EHD3: variants seen among roughly 807,000 people sequenced by gnomAD.
EHD3 encodes the protein EH domain containing 3, also known as EH domain-containing protein 3.
EHD3 carries 17 observed loss-of-function variants against 43.0 expected under a neutral mutation model. That is an observed-to-expected ratio of 0.40 (90% CI 0.27 to 0.59). The LOEUF (loss-of-function observed/expected upper bound fraction) is 0.59, where lower values mean the gene tolerates loss of function less well. Ranked by LOEUF, EHD3 falls within the 20% of genes least tolerant of loss-of-function variation. EHD3 has a pLI of 0.49. For synonymous variants in EHD3, 313 were observed against 289.5 expected (o/e 1.08, Z -0.82); for missense variants, 594 against 705.6 (o/e 0.84, Z 1.79).
In EHD3 at chr2:31,266,370, G is replaced by A; in HGVS notation, c.1274G>A (p.Gly425Asp). Residue 425 changes from glycine to aspartate, a missense_variant, in exon 6 of 6, where the codon GGC (glycine) becomes GAC (aspartate). Gly to Asp is a moderately conservative substitution (Grantham distance 94). Coordinates refer to ENST00000322054, the MANE Select transcript of EHD3 (RefSeq NM_014600.3). The surrounding 1 kb of genome is among the most constrained non-coding windows in gnomAD (Gnocchi z 5.1). ...ACCCTGCACGGCCCCTTTGGGCATG[G>A]CTATGGGGAGGGGGCTGGAGAAGGT... ...EGTLHGPFGH[G>D]YGEGAGEGID... 1 of 1,614,178 alleles carries A rather than the reference G, an allele frequency of 6.2e-7. No individual in the cohort carries two copies. The highest frequency in any genetic ancestry group is 8.5e-7 in the Non-Finnish European group (1 of 1,180,008).
At position 31,260,594 on chromosome 2, in the gene EHD3, T is replaced by G. The variant is rs1189095449; in HGVS notation, c.587T>G (p.Ile196Ser). ...ILLFDAHKLDISDEFSEVIKA... is the reference protein window; with the variant it reads ...ILLFDAHKLDSSDEFSEVIKA... ...CTCTTCGATGCCCACAAACTGGACA[T>G]CTCTGATGAGTTCTCAGAAGTCATC... The change falls in exon 4 of 6, where the codon ATC becomes AGC. Residue 196 changes from isoleucine to serine, a missense_variant. Ile to Ser is a moderately radical substitution (Grantham distance 142, BLOSUM62 -2). Transcript: ENST00000322054. The surrounding 1 kb of genome is among the most constrained non-coding windows in gnomAD (Gnocchi z 4.6). The G allele has an allele frequency of 2.2e-5, 35 of 1,614,044 alleles. No homozygotes were observed. The highest frequency in any genetic ancestry group is 3.0e-5 in the Non-Finnish European group (35 of 1,180,044).
rs775189280 is a variant in EHD3, at chr2:31,245,528, A to AAT, written c.404+1103_404+1104dup. Among the ~76,000 whole-genome samples, 491 of 75,024 alleles carry AAT rather than the reference A, an allele frequency of 6.5e-3. 3 individuals are homozygous for AAT. Among genetic ancestry groups the AAT allele is most frequent in the African/African-American group, 0.012 (206 of 16,998 alleles). 49.2% of individuals were successfully genotyped at this position (75,024 alleles called of 152,430 possible). On this transcript the variant is annotated intron_variant, in intron 2 of 5. Coordinates refer to ENST00000322054, the MANE Select transcript of EHD3 (RefSeq NM_014600.3). ...AGGATTCTCGATGTCTCTTATCCCA[A>AAT]ATATATATATATATATATATATATA...
At chr2:31,245,951 A>C (rs1450729919) in intron 2 of EHD3, among the ~76,000 whole-genome samples, 1 of 152,064 alleles carries the variant, frequency 6.6e-6, no homozygotes, top group African/African-American at 2.4e-5. Flanking sequence ...AGTCAATAAC[A>C]GTCTAAGACA....
intron 3 of EHD3, among the ~76,000 whole-genome samples, chr2:31,254,902 G>A (rs1683721339): frequency 6.6e-6 from 1 of 152,194 alleles, no homozygotes; most frequent in Admixed American, 6.5e-5. Flanking sequence ...TATGAAGAGC[G>A]AATGAGGTCA....
At position 31,260,987 on chromosome 2, in the gene EHD3, G is replaced by T. The variant is rs566490751; in HGVS notation, c.915+65G>T. 1.1e-5 allele frequency: 16 copies of T among 1,514,178 alleles called. No individual in the cohort carries two copies. Among genetic ancestry groups the T allele is most frequent in the African/African-American group, 1.4e-5 (1 of 71,968 alleles). The allele number at this position is 1,514,178 out of a possible 1,614,324, so 93.8% of individuals were successfully genotyped here. A position where few individuals can be genotyped will look rare whatever the true frequency, so the allele number is the denominator to read the frequency against. On this transcript the variant is annotated intron_variant, in intron 4 of 5. Transcript: ENST00000322054. The surrounding 1 kb of genome is among the most constrained non-coding windows in gnomAD (Gnocchi z 4.6). ...GCCCAGAGTTTGGGGTCAGCTGCAC[G>T]AGCTGAGGGTTGCTGCCTCCAACAG...
chr2:31,250,478 G>C (rs984847850), intron 3 of EHD3, among the ~76,000 whole-genome samples: 2 of 152,114 alleles, frequency 1.3e-5, no homozygotes, highest in Non-Finnish European at 2.9e-5. Context: ...ATGTTGGCCA[G>C]AATGGTCTCG....
chr2:31,252,580 T>G (rs1169882290), intron 3 of EHD3, among the ~76,000 whole-genome samples: 2 of 152,234 alleles, frequency 1.3e-5, no homozygotes, highest in African/African-American at 2.4e-5. Flanking sequence ...GTTCAAGCGA[T>G]TCTCCTGCCT....
At chr2:31,244,990 G>C (rs1006767361) in intron 2 of EHD3, among the ~76,000 whole-genome samples, 5 of 152,194 alleles carry the variant, frequency 3.3e-5, no homozygotes, top group African/African-American at 1.2e-4. Flanking sequence ...AGATCATCAT[G>C]ATGATGTGAA....
At chr2:31,264,988 A>G (rs912680819) in intron 5 of EHD3, among the ~76,000 whole-genome samples, 2 of 152,166 alleles carry the variant, frequency 1.3e-5, no homozygotes, top group African/African-American at 4.8e-5. Flanking sequence ...AAAAACTAAG[A>G]TGCAAACACC....
chr2:31,266,716 G>T lies in EHD3; in HGVS notation c.*12G>T, dbSNP rs777410186. ...AAGTTGCCGAGTGATGGGGTGGGGG[G>T]ACATTCAGACGGGCAGTGTTAGAGG... is the stretch of plus-strand genomic sequence containing the variant. On this transcript the variant is annotated 3_prime_UTR_variant, in exon 6 of 6. Transcript: ENST00000322054. The surrounding 1 kb of genome is among the most constrained non-coding windows in gnomAD (Gnocchi z 5.1). 2.5e-6 allele frequency: 4 copies of T among 1,582,642 alleles called. No individual in the cohort carries two copies. The South Asian group carries it at 4.7e-5, about 18-fold the overall frequency.
At chr2:31,239,907 C>T (rs1254914572) in intron 1 of EHD3, among the ~76,000 whole-genome samples, 1 of 152,084 alleles carries the variant, frequency 6.6e-6, no homozygotes, top group African/African-American at 2.4e-5. Context: ...TTCTCCAGCA[C>T]GAAGGGGAGG....
At chr2:31,246,109 T>TA (rs1485789133) in intron 2 of EHD3, among the ~76,000 whole-genome samples, 1 of 151,984 alleles carries the variant, frequency 6.6e-6, no homozygotes, top group Non-Finnish European at 1.5e-5. Flanking sequence ...GGGCTTGGTT[T>TA]ATGTTGGGAA....
At position 31,244,420 on chromosome 2, in the gene EHD3, TCAACGCCTTTGG is replaced by T; in HGVS notation, c.384_395del (p.Gly129_Phe132del). ...GATCCCAAGAAACCCTTCAGGAAAC[TCAACGCCTTTGG>T]CAACGCCTTCTTGAACAGGTGAGTG... On this transcript the variant is annotated inframe_deletion, in exon 2 of 6. Coordinates refer to ENST00000322054, the MANE Select transcript of EHD3 (RefSeq NM_014600.3). 3.7e-6 allele frequency: 6 copies of T among 1,614,120 alleles called. No individual in the cohort carries two copies. Among genetic ancestry groups the T allele is most frequent in the Non-Finnish European group, 5.1e-6 (6 of 1,180,010 alleles).
rs547618412 is a variant in EHD3 at position 31,251,780 on chromosome 2, T to C, written c.502+2312T>C. 1.6e-4 allele frequency among the ~76,000 whole-genome samples: 24 copies of C among 152,260 alleles called. No homozygotes were observed. The South Asian group carries it at 5.0e-3, about 32-fold the overall frequency. ...CGCACGCTGTAAGCACCTGGCTCCC[T>C]GTTAAGGGCCCTGTGGAGGGACAGC... On this transcript the variant is annotated intron_variant, in intron 3 of 5. Transcript: ENST00000322054.
At chr2:31,247,469 TG>T (rs1451942258) in intron 2 of EHD3, among the ~76,000 whole-genome samples, 1 of 152,208 alleles carries the variant, frequency 6.6e-6, no homozygotes, top group Non-Finnish European at 1.5e-5. Flanking sequence ...GTGATTTCAA[TG>T]AATAAAATGA....
chr2:31,249,725 A>G (rs947071789), intron 3 of EHD3, among the ~76,000 whole-genome samples: 2 of 152,098 alleles, frequency 1.3e-5, no homozygotes, highest in Admixed American at 1.3e-4. Context: ...TGAAGACATC[A>G]ATATCAGTCT....
intron 2 of EHD3, 74 bp from the exon 3 acceptor site, chr2:31,249,297 C>G: frequency 7.5e-7 from 1 of 1,340,118 alleles, no homozygotes; most frequent in Non-Finnish European, 1.1e-6. Flanking sequence ...AGAGACAAGA[C>G]AGGTGGTTGG....
intron 1 of EHD3, among the ~76,000 whole-genome samples, chr2:31,243,080 C>A (rs1237537382): frequency 6.6e-6 from 1 of 152,128 alleles, no homozygotes; most frequent in East Asian, 1.9e-4. Context: ...AGCTCAAGAC[C>A]AGATTGGCCA....
rs1292812843 is a variant in EHD3 at position 31,261,572 on chromosome 2, T to C, written c.939T>C (p.Ser313=). ...AGGTCCACGCCTACATCATCAGCTC[T>C]CTGAAGAAGGAGATGCCCTCGGTGT... ...LAKVHAYIIS[S]LKKEMPSVFG... The change falls in exon 5 of 6, where the codon TCT becomes TCC. Residue 313 remains serine, a synonymous_variant. Coordinates refer to ENST00000322054, the MANE Select transcript of EHD3 (RefSeq NM_014600.3). 2 of 1,614,180 alleles carry C rather than the reference T, an allele frequency of 1.2e-6. No homozygotes were observed. Among genetic ancestry groups the C allele is most frequent in the Non-Finnish European group, 1.7e-6 (2 of 1,180,036 alleles).
Sources: allele counts gnomAD v4.1 joint callset (sites outside exome capture counted in the v4.1 genomes callset), GRCh38; gene constraint gnomAD v4.1.1; non-coding constraint Gnocchi (gnomAD v3.1); transcripts MANE v1.5; gene names NCBI Gene and HGNC (gene_info 2026-07-23, HGNC 2026-07-21).